The following RPS6KA6 variants were observed in gnomAD, a reference collection of about 807,000 sequenced individuals.
RPS6KA6 encodes the protein ribosomal protein S6 kinase alpha-6.
Under a neutral mutation model 65.4 loss-of-function variants are expected in RPS6KA6, and 27 were observed. The observed-to-expected ratio is 0.41, with a 90% CI of 0.30 to 0.57. The LOEUF is 0.57. Ranked by LOEUF, RPS6KA6 falls within the 20% of genes least tolerant of loss-of-function variation. The pLI is 0.24. For missense variants in RPS6KA6, 486 were observed against 555.6 expected (o/e 0.87, Z 1.26); for synonymous variants, 190 against 184.2 (o/e 1.03, Z -0.26).
intron 20 of RPS6KA6, among the ~76,000 whole-genome samples, chrX:84,074,578 A>G (rs1368891731): frequency 1.8e-5 from 2 of 112,291 alleles, no homozygotes; most frequent in Non-Finnish European, 3.8e-5. Context: ...AATTATCCTG[A>G]TTTGAACATC....
chrX:84,060,456 C>A lies in RPS6KA6; in HGVS notation c.*3821G>T, dbSNP rs1365630768. ...TCAATCTCTCTGTGCTTTTTTTTTT[C>A]TTTATAACAGGAATGGGATGGGGGG... On this transcript the variant is annotated 3_prime_UTR_variant, in exon 22 of 22. Transcript: ENST00000262752. 3.3e-5 allele frequency: 2 copies of A among 61,052 alleles called. No homozygotes were observed. Among genetic ancestry groups the A allele is most frequent in the Admixed American group, 2.1e-4 (1 of 4,697 alleles). The allele number at this position is 61,052 out of a possible 1,213,427, so 5.0% of individuals were successfully genotyped here. A position where few individuals can be genotyped will look rare whatever the true frequency, so the allele number is the denominator to read the frequency against.
At position 84,105,794 on chromosome X, in the gene RPS6KA6, A is replaced by G; in HGVS notation, c.1448T>C (p.Leu483Ser). 8.9e-7 allele frequency: 1 copy of G among 1,118,667 alleles called. No individual in the cohort carries two copies. The highest frequency in any genetic ancestry group is 1.2e-6 in the Non-Finnish European group (1 of 819,254). The allele number at this position is 1,118,667 out of a possible 1,213,427, so 92.2% of individuals were successfully genotyped here. A position where few individuals can be genotyped will look rare whatever the true frequency, so the allele number is the denominator to read the frequency against. ...RYGQHPNIITLKDVFDDGRYV... is the reference protein window; with the variant it reads ...RYGQHPNIITSKDVFDDGRYV... ...AGATTTAGAAATACCTACATCCTTC[A>G]AAGTAATAATGTTGGGATGTTGTCC... The change falls in exon 16 of 22, where the codon TTG (leucine) becomes TCG (serine). Residue 483 changes from leucine to serine, a missense_variant. This residue lies in a region of RPS6KA6 where 345 missense variants were observed against 375.0 expected (regional missense o/e 0.92). Transcript: ENST00000262752.
chrX:84,089,642 G>C (rs2034002075), intron 20 of RPS6KA6, among the ~76,000 whole-genome samples: 2 of 110,527 alleles, frequency 1.8e-5, no homozygotes, highest in Admixed American at 9.7e-5. Context: ...AAGATCCATG[G>C]GAGAAGCACG....
intron 20 of RPS6KA6, among the ~76,000 whole-genome samples, chrX:84,085,013 T>C (rs1207510655): frequency 9.0e-6 from 1 of 111,510 alleles, no homozygotes; most frequent in Non-Finnish European, 1.9e-5. Flanking sequence ...GCTTGCCTGT[T>C]GTTGGGGCAT....
chrX:84,070,727 C>T (rs1156326630), intron 20 of RPS6KA6, among the ~76,000 whole-genome samples: 1 of 110,522 alleles, frequency 9.0e-6, no homozygotes, highest in African/African-American at 3.3e-5. Flanking sequence ...AATCAAAAGC[C>T]ATACTGGGGA....
At chrX:84,115,403 AAT>A (rs775445921) in intron 12 of RPS6KA6, among the ~76,000 whole-genome samples, 2 of 112,096 alleles carry the variant, frequency 1.8e-5, no homozygotes, top group Non-Finnish European at 3.8e-5. Flanking sequence ...ACCACAATGA[AAT>A]ATGATTTTAT....
At chrX:84,068,864 T>C (rs2033464276) in intron 20 of RPS6KA6, among the ~76,000 whole-genome samples, 1 of 111,192 alleles carries the variant, frequency 9.0e-6, no homozygotes, top group Non-Finnish European at 1.9e-5. Context: ...ACAAGGGACA[T>C]GAAGGACCTC....
chrX:84,115,633 T>C (rs903083182), intron 12 of RPS6KA6, among the ~76,000 whole-genome samples: 56 of 111,584 alleles, frequency 5.0e-4, no homozygotes, highest in African/African-American at 1.7e-3. Flanking sequence ...TAAATCATTA[T>C]ATAAAAAGGA....
At chrX:84,149,134 C>A (rs1331552283) in intron 3 of RPS6KA6, among the ~76,000 whole-genome samples, 1 of 111,850 alleles carries the variant, frequency 8.9e-6, no homozygotes, top group African/African-American at 3.2e-5. Flanking sequence ...CCACAAGGAG[C>A]AACTCCTCAT....
chrX:84,065,559 A>G (rs1414174196), intron 20 of RPS6KA6, among the ~76,000 whole-genome samples: 1 of 111,914 alleles, frequency 8.9e-6, no homozygotes, highest in Non-Finnish European at 1.9e-5. Context: ...ACTATATAAC[A>G]TATTAAGAAA....
intron 1 of RPS6KA6, among the ~76,000 whole-genome samples, chrX:84,182,043 TC>T (rs1420901358): frequency 4.7e-4 from 33 of 70,196 alleles, no homozygotes; most frequent in African/African-American, 2.1e-3. Flanking sequence ...TCTGTCTCTC[TC>T]TCTCTCTCTC....
At chrX:84,093,810 A>G (rs995131191) in intron 20 of RPS6KA6, among the ~76,000 whole-genome samples, 3 of 111,860 alleles carry the variant, frequency 2.7e-5, no homozygotes, top group Non-Finnish European at 5.6e-5. Flanking sequence ...GTGAATTCAC[A>G]TAACGCTTAG....
At chrX:84,182,032 C>T (rs1183292324) in intron 1 of RPS6KA6, among the ~76,000 whole-genome samples, 1 of 61,706 alleles carries the variant, frequency 1.6e-5, no homozygotes, top group Admixed American at 2.2e-4. Context: ...TTCCCTCTTT[C>T]TCTGTCTCTC....
At chrX:84,149,383 C>T (rs764228148) in intron 3 of RPS6KA6, among the ~76,000 whole-genome samples, 21 of 111,933 alleles carry the variant, frequency 1.9e-4, no homozygotes, top group Non-Finnish European at 3.2e-4. Flanking sequence ...AAGTCCTTTC[C>T]AGAGGTTTTC....
intron 1 of RPS6KA6, 54 bp downstream of exon 1, chrX:84,187,765 T>G (rs180689922): frequency 0.014 from 16,140 of 1,118,539 alleles, 106 homozygotes; most frequent in Non-Finnish European, 0.018. Flanking sequence ...AGCCAAGGTC[T>G]TGAGGGGAAG....
intron 6 of RPS6KA6, among the ~76,000 whole-genome samples, chrX:84,145,276 T>C (rs1240881899): frequency 9.0e-6 from 1 of 111,292 alleles, no homozygotes. Flanking sequence ...ATTCATATTG[T>C]TCTTTTGCCT....
intron 20 of RPS6KA6, among the ~76,000 whole-genome samples, chrX:84,066,677 G>A (rs1464844213): frequency 9.0e-6 from 1 of 111,474 alleles, no homozygotes; most frequent in African/African-American, 3.3e-5. Flanking sequence ...GCAACTGTGG[G>A]CGCAGCTTCA....
chrX:84,114,965 T>G (rs2147459277), intron 12 of RPS6KA6, among the ~76,000 whole-genome samples: 1 of 111,991 alleles, frequency 8.9e-6, no homozygotes, highest in African/African-American at 3.2e-5. Flanking sequence ...AACACAAGAT[T>G]GTTTGAAGAC....
In RPS6KA6 at chrX:84,062,886, C is replaced by T. The variant is rs1428390897; in HGVS notation, c.*1391G>A. On this transcript the variant is annotated 3_prime_UTR_variant, in exon 22 of 22. Coordinates refer to ENST00000262752, the MANE Select transcript of RPS6KA6 (RefSeq NM_014496.5). ...ATTCACTAAAGAAAACTGTGATATC[C>T]TCCAGTTTACATTCATGAATTCTTT... The T allele has an allele frequency of 9.1e-6, 1 of 110,373 alleles. No homozygotes were observed. The highest frequency in any genetic ancestry group is 2.8e-4 in the East Asian group (1 of 3,525). The allele number at this position is 110,373 out of a possible 1,213,427, so 9.1% of individuals were successfully genotyped here.
Sources: allele counts gnomAD v4.1 joint callset (sites outside exome capture counted in the v4.1 genomes callset), GRCh38; gene constraint gnomAD v4.1.1; regional missense constraint gnomAD v4.1.1; transcripts MANE v1.5; gene names NCBI Gene and HGNC (gene_info 2026-07-23, HGNC 2026-07-21).